The following SCN1A variants were observed in gnomAD, a reference collection of about 807,000 sequenced individuals.
SCN1A encodes the protein sodium voltage-gated channel alpha subunit 1, also known as sodium channel protein type 1 subunit alpha.
In SCN1A, 13 loss-of-function variants were observed where a neutral mutation model predicts 193.7. The ratio of observed to expected loss-of-function variants is 0.07; its 90% CI spans 0.04 to 0.11. The LOEUF (loss-of-function observed/expected upper bound fraction) is 0.11. SCN1A is among the 10% of genes least tolerant of loss of function. The pLI, the probability that SCN1A is intolerant of heterozygous loss-of-function variation, is 1.00. For synonymous variants in SCN1A, 781 were observed against 843.6 expected, an observed-to-expected ratio of 0.93 and a Z score of 1.29; for missense variants, 1,432 against 2,451.1, an observed-to-expected ratio of 0.58 and a Z score of 8.78.
intron 2 of SCN1A, among the ~76,000 whole-genome samples, chr2:166,090,004 TCTTCCTTC>T (rs61060750): frequency 2.7e-5 from 4 of 148,268 alleles, no homozygotes; most frequent in Non-Finnish European, 4.5e-5. Context: ...AAAGAAATTA[TCTTCCTTC>T]CTTCCTTCCT....
chr2:166,008,194 C>A (rs1459314908), intron 23 of SCN1A, among the ~76,000 whole-genome samples: 2 of 151,032 alleles, frequency 1.3e-5, no homozygotes, highest in East Asian at 3.9e-4. Flanking sequence ...ATGGTTATTT[C>A]TGAGAAAATT....
chr2:166,063,721 A>G (rs918463622), intron 4 of SCN1A, among the ~76,000 whole-genome samples: 9 of 152,094 alleles, frequency 5.9e-5, no homozygotes, highest in Non-Finnish European at 8.8e-5. Flanking sequence ...TAAAAGAAAA[A>G]CAAAGCAGGT....
In SCN1A at chr2:165,994,308, C is replaced by T. The variant is rs766227610; in HGVS notation, c.4690G>A (p.Asp1564Asn). Reference sequence around the variant, plus strand: ...ATGGTAGTCACATATTCACTCTGGTCATCTGTTTCCACCATCATTGTGACC... The same window carrying T: ...ATGGTAGTCACATATTCACTCTGGTTATCTGTTTCCACCATCATTGTGACC... ...NMVTMMVETDDQSEYVTTILS... is the reference protein window; with the variant it reads ...NMVTMMVETDNQSEYVTTILS... Residue 1564 changes from aspartate (D) to asparagine (N), a missense_variant, in exon 28 of 29, where the codon GAC (aspartate) becomes AAC (asparagine). Physicochemically the swap from Asp to Asn is conservative, Grantham distance 23. Around this residue, in one of 18 missense-constraint regions of SCN1A, gnomAD observed 85 missense variants for 119.1 expected, o/e 0.71. Transcript: ENST00000674923. The T allele has an allele frequency of 6.2e-6, 10 of 1,613,036 alleles. No homozygotes were observed. The East Asian group carries it at 1.6e-4, about 25-fold the overall frequency.
intron 17 of SCN1A, among the ~76,000 whole-genome samples, chr2:166,038,545 C>T (rs1410628872): frequency 6.6e-6 from 1 of 151,910 alleles, no homozygotes; most frequent in Non-Finnish European, 1.5e-5. Flanking sequence ...ACCATGTTGG[C>T]CAGGCTGGTC....
intron 19 of SCN1A, among the ~76,000 whole-genome samples, chr2:166,020,445 A>T (rs1693897670): frequency 1.3e-5 from 2 of 152,176 alleles, no homozygotes; most frequent in Non-Finnish European, 2.9e-5. Context: ...ATGTGCAAAA[A>T]TTGCTCAGGT....
intron 16 of SCN1A, among the ~76,000 whole-genome samples, chr2:166,039,910 CTTTTTTTTT>C (rs10523688): frequency 9.0e-6 from 1 of 110,876 alleles, no homozygotes; most frequent in Non-Finnish European, 1.9e-5. Context: ...TACAAGTCAT[CTTTTTTTTT>C]TTTTTTTTTT....
chr2:166,088,577 T>C (rs1686404816), intron 2 of SCN1A, among the ~76,000 whole-genome samples: 1 of 152,216 alleles, frequency 6.6e-6, no homozygotes, highest in Non-Finnish European at 1.5e-5. Flanking sequence ...GTTAAAACCT[T>C]ATAAATAATT....
At chr2:166,121,784 C>A (rs989289392) in intron 2 of SCN1A, among the ~76,000 whole-genome samples, 5 of 152,128 alleles carry the variant, frequency 3.3e-5, no homozygotes, top group African/African-American at 1.2e-4. Context: ...CTGTTAGAGG[C>A]TGAATTGTAT....
chr2:166,012,904 T>C (rs1285042853), intron 21 of SCN1A, among the ~76,000 whole-genome samples: 1 of 151,254 alleles, frequency 6.6e-6, no homozygotes, highest in African/African-American at 2.4e-5. Context: ...TGCATTCCTT[T>C]CAACGGTGAA....
At chr2:166,047,043 T>C (rs1164488779) in intron 11 of SCN1A, 67 bp from the exon 12 acceptor site, 2 of 1,543,496 alleles carry the variant, frequency 1.3e-6, no homozygotes, top group African/African-American at 1.4e-5. Context: ...CAACTTTCAA[T>C]TTACTCATGT....
At position 166,009,549 on chromosome 2, in the gene SCN1A, A is replaced by G. The variant is rs941411248; in HGVS notation, c.4002+170T>C. Reference sequence around the variant, plus strand: ...TATTATATCATTTCAAGAGAGGCCTATTTCTCTTGCATATCACCTAGAAGT... The same window carrying G: ...TATTATATCATTTCAAGAGAGGCCTGTTTCTCTTGCATATCACCTAGAAGT... On this transcript the variant is annotated intron_variant, in intron 23 of 28. Transcript: ENST00000674923. 4 of 497,756 alleles carry G rather than the reference A, an allele frequency of 8.0e-6. No homozygotes were observed. The Admixed American group carries it at 1.4e-4, about 17-fold the overall frequency. 30.8% of individuals were successfully genotyped at this position (497,756 alleles called of 1,614,324 possible). A position where few individuals can be genotyped will look rare whatever the true frequency, so the allele number is the denominator to read the frequency against.
chr2:166,057,849 A>C (rs1366508965), intron 5 of SCN1A, among the ~76,000 whole-genome samples: 1 of 152,078 alleles, frequency 6.6e-6, no homozygotes, highest in African/African-American at 2.4e-5. Context: ...TAAATTGATT[A>C]ACAAATGAAT....
Position 166,095,050 on chromosome 2 carries a change from T to C in SCN1A, c.-141-17249A>G, listed in dbSNP as rs534621669. 3.0e-4 allele frequency among the ~76,000 whole-genome samples: 45 copies of C among 152,356 alleles called. No individual in the cohort carries two copies. In the South Asian group the frequency reaches 8.7e-3, roughly 29 times the overall value. ...TTTGTAAGTCAGATCAAATAATTTT[T>C]GGAAATAGAAAACAAACAAATAAGC... is the stretch of plus-strand genomic sequence containing the variant. On this transcript the variant is annotated intron_variant, in intron 2 of 28. Transcript: ENST00000674923.
rs138304604 is a variant in SCN1A at position 166,107,282 on chromosome 2, T to G, written c.-142+19642A>C. On this transcript the variant is annotated intron_variant, in intron 2 of 28. Coordinates refer to ENST00000674923, the MANE Select transcript of SCN1A (RefSeq NM_001165963.4). ...TTGCTTGTGAATATGTCTTGTTTTT[T>G]GCTTTAGTCCATAAGCACCTTGAGA... is the stretch of plus-strand genomic sequence containing the variant. 4.4e-3 allele frequency among the ~76,000 whole-genome samples: 664 copies of G among 152,330 alleles called. 8 individuals carry two copies. The highest frequency in any genetic ancestry group is 0.015 in the African/African-American group (603 of 41,582).
intron 3 of SCN1A, among the ~76,000 whole-genome samples, chr2:166,074,417 G>C (rs1214165918): frequency 6.6e-6 from 1 of 152,112 alleles, no homozygotes; most frequent in African/African-American, 2.4e-5. Context: ...GGAGTCTCCT[G>C]TTTCAAGAAA....
downstream of SCN1A, chr2:165,984,798 AGG>A (rs2105394121): frequency 6.6e-6 from 1 of 152,256 alleles, no homozygotes; most frequent in Admixed American, 6.5e-5. Flanking sequence ...TTGGCTCCAT[AGG>A]GGTGGTGTTC....
chr2:166,055,081 G>A (rs1414157006), intron 6 of SCN1A, among the ~76,000 whole-genome samples: 2 of 151,754 alleles, frequency 1.3e-5, no homozygotes, highest in African/African-American at 4.8e-5. Context: ...TTACATGATG[G>A]AATAGCCAAT....
At chr2:166,056,747 A>AAAT (rs1699177399) in intron 5 of SCN1A, among the ~76,000 whole-genome samples, 1 of 152,082 alleles carries the variant, frequency 6.6e-6, no homozygotes, top group Admixed American at 6.6e-5. Context: ...ATATCAGTAT[A>AAAT]AGGTGTTGTT....
chr2:165,994,024 A>G, intron 28 of SCN1A, 122 bp downstream of exon 28: 1 of 823,758 alleles, frequency 1.2e-6, no homozygotes, highest in Non-Finnish European at 1.9e-6. Context: ...ACACTTGGAT[A>G]AAATGTATCA....
Sources: gnomAD v4.1 joint callset for allele counts (sites outside exome capture counted in the v4.1 genomes callset) on GRCh38, gnomAD v4.1.1 for gene constraint, gnomAD v4.1.1 regional missense constraint, MANE v1.5 for transcripts, NCBI Gene and HGNC (gene_info 2026-07-23, HGNC 2026-07-21) for gene names.